CCSER1: variants seen among roughly 807,000 people sequenced by gnomAD.
CCSER1 encodes serine-rich coiled-coil domain-containing protein 1.
Under a neutral mutation model 82.0 loss-of-function variants are expected in CCSER1, and 41 were observed. The observed-to-expected ratio is 0.50, with a 90% confidence interval of 0.39 to 0.65. The LOEUF is 0.65. Ranked by LOEUF, CCSER1 falls within the 30% of genes least tolerant of loss-of-function variation. The pLI is 0.00. For synonymous variants in CCSER1, 414 were observed against 383.9 expected (o/e 1.08, Z -0.92); for missense variants, 1,119 against 1,064.2 (o/e 1.05, Z -0.72).
chr4:90,258,505 A>G (rs1578796910), intron 1 of CCSER1, among the ~76,000 whole-genome samples: 2 of 152,026 alleles, frequency 1.3e-5, no homozygotes, highest in South Asian at 2.1e-4. Context: ...GTGAGACTCC[A>G]TCTCAAAAAC....
intron 7 of CCSER1, among the ~76,000 whole-genome samples, chr4:90,746,910 T>C (rs930695500): frequency 2.0e-5 from 3 of 152,190 alleles, no homozygotes; most frequent in African/African-American, 7.2e-5. Context: ...AAATGGCATT[T>C]CAACTCAGGT....
At chr4:91,436,913 T>A (rs1414455290) in intron 10 of CCSER1, among the ~76,000 whole-genome samples, 3 of 152,236 alleles carry the variant, frequency 2.0e-5, no homozygotes, top group Non-Finnish European at 4.4e-5. Flanking sequence ...AAGATAAAGT[T>A]GTATGAAAAT....
chr4:90,830,049 A>G lies in CCSER1; in HGVS notation c.2094+14204A>G, dbSNP rs1041425015. Among the ~76,000 whole-genome samples the G allele has an allele frequency of 2.2e-4, 34 of 152,306 alleles. 1 individual carries two copies. Among genetic ancestry groups the G allele is most frequent in the Admixed American group, 8.5e-4 (13 of 15,292 alleles). On this transcript the variant is annotated intron_variant, in intron 8 of 10. Coordinates refer to ENST00000509176, the MANE Select transcript of CCSER1 (RefSeq NM_001145065.2). The stretch of plus-strand genomic sequence containing the variant: ...CTAATGTTAGCCTGTGTGGACCATC[A>G]GGAGATTCTCTCCCTGACAGCCAAA...
At position 91,331,894 on chromosome 4, in the gene CCSER1, T is replaced by C. The variant is rs559446872; in HGVS notation, c.2217+245900T>C. Among the ~76,000 whole-genome samples, 9 of 152,284 alleles carry C rather than the reference T, an allele frequency of 5.9e-5. No homozygotes were observed. In the East Asian group the frequency reaches 1.7e-3, roughly 29 times the overall value. ...CAACTACAAGACCTGTATCTCTCAA[T>C]AGAGACTCTTTGCAATATATGAATA... is the stretch of plus-strand genomic sequence containing the variant. On this transcript the variant is annotated intron_variant, in intron 10 of 10. Coordinates refer to ENST00000509176, the MANE Select transcript of CCSER1 (RefSeq NM_001145065.2).
chr4:90,483,634 C>G (rs1441449222), intron 5 of CCSER1, among the ~76,000 whole-genome samples: 1 of 152,152 alleles, frequency 6.6e-6, no homozygotes, highest in East Asian at 1.9e-4. Context: ...ACTTATGAAG[C>G]TTAGTTTGGC....
intron 3 of CCSER1, among the ~76,000 whole-genome samples, chr4:90,331,765 G>A (rs1739323170): frequency 6.6e-6 from 1 of 151,804 alleles, no homozygotes; most frequent in Admixed American, 6.6e-5. Flanking sequence ...TGAACGTTGT[G>A]GACTACCATG....
Position 91,050,664 on chromosome 4 carries a change from G to C in CCSER1, c.2173-35286G>C, listed in dbSNP as rs193273740. 9.6e-3 allele frequency among the ~76,000 whole-genome samples: 1,455 copies of C among 152,186 alleles called. 11 individuals carry two copies. The highest frequency in any genetic ancestry group is 0.013 in the Non-Finnish European group (861 of 68,008). On this transcript the variant is annotated intron_variant, in intron 9 of 10. Transcript: ENST00000509176. ...TAGCTTTGTCTTGTTTCAACTAGTC[G>C]AGCAGGAGCAGTTGCTTCCTTTGGA...
chr4:90,804,603 T>G (rs2149713288), intron 7 of CCSER1, among the ~76,000 whole-genome samples: 1 of 152,324 alleles, frequency 6.6e-6, no homozygotes, highest in Admixed American at 6.5e-5. Flanking sequence ...ACCATGCTGT[T>G]TTGGTTACTG....
intron 5 of CCSER1, among the ~76,000 whole-genome samples, chr4:90,536,592 G>C (rs1775397804): frequency 6.6e-6 from 1 of 152,150 alleles, no homozygotes. Flanking sequence ...TCTGTACCTT[G>C]ACCTTGATTA....
intron 10 of CCSER1, among the ~76,000 whole-genome samples, chr4:91,434,844 G>A (rs1754550127): frequency 6.6e-6 from 1 of 152,136 alleles, no homozygotes; most frequent in Non-Finnish European, 1.5e-5. Context: ...TTGGCTCAGG[G>A]TCCTGGTGAA....
intron 1 of CCSER1, among the ~76,000 whole-genome samples, chr4:90,277,444 TA>T (rs1728044318): frequency 6.6e-6 from 1 of 152,074 alleles, no homozygotes; most frequent in East Asian, 1.9e-4. Context: ...TATAGTATAG[TA>T]ACCAAAACAG....
chr4:90,309,259 G>A lies in CCSER1; in HGVS notation c.975G>A (p.Arg325=), dbSNP rs1379503695. 6.2e-7 allele frequency: 1 copy of A among 1,613,848 alleles called. No homozygotes were observed. Among genetic ancestry groups the A allele is most frequent in the African/African-American group, 1.3e-5 (1 of 75,032 alleles). The change falls in exon 2 of 11, where the codon AGG becomes AGA. Residue 325 remains arginine (R), a synonymous_variant. Coordinates refer to ENST00000509176, the MANE Select transcript of CCSER1 (RefSeq NM_001145065.2). The part of the protein sequence containing the change: ...PCAIMSPGKY[R]LEGQCSTESN... ...CAATTATGTCTCCTGGGAAATATAG[G>A]TTAGAGGGTCAATGTAGCACTGAAT...
At chr4:90,953,603 C>G (rs1235759089) in intron 9 of CCSER1, among the ~76,000 whole-genome samples, 1 of 151,440 alleles carries the variant, frequency 6.6e-6, no homozygotes, top group Non-Finnish European at 1.5e-5. Flanking sequence ...CCTATACATT[C>G]CTATATCTAT....
chr4:91,463,443 A>C (rs903372837), intron 10 of CCSER1, among the ~76,000 whole-genome samples: 2 of 152,258 alleles, frequency 1.3e-5, no homozygotes, highest in Non-Finnish European at 2.9e-5. Context: ...TCTAAAAATC[A>C]GAGCACCTCT....
At chr4:90,651,531 G>A (rs1459153075) in intron 6 of CCSER1, among the ~76,000 whole-genome samples, 1 of 152,084 alleles carries the variant, frequency 6.6e-6, no homozygotes, top group African/African-American at 2.4e-5. Context: ...ACACACCGGG[G>A]TCTGTCAGGT....
At chr4:90,235,820 G>A (rs1475990005) in intron 1 of CCSER1, among the ~76,000 whole-genome samples, 1 of 152,184 alleles carries the variant, frequency 6.6e-6, no homozygotes, top group African/African-American at 2.4e-5. Context: ...GTTAGTGGGA[G>A]TGGTTTACTT....
intron 1 of CCSER1, among the ~76,000 whole-genome samples, chr4:90,135,369 G>A (rs1383803379): frequency 6.6e-6 from 1 of 151,860 alleles, no homozygotes; most frequent in Non-Finnish European, 1.5e-5. Context: ...CTGGGATCCT[G>A]CCTCTGAAAC....
chr4:90,700,385 T>C (rs1175140514), intron 6 of CCSER1, among the ~76,000 whole-genome samples: 1 of 152,194 alleles, frequency 6.6e-6, no homozygotes, highest in Non-Finnish European at 1.5e-5. Flanking sequence ...ATTCAGTCTA[T>C]CATTGATGGA....
At chr4:90,739,793 G>A (rs780664574) in intron 7 of CCSER1, among the ~76,000 whole-genome samples, 1 of 152,188 alleles carries the variant, frequency 6.6e-6, no homozygotes, top group African/African-American at 2.4e-5. Flanking sequence ...CCTCCTTGAA[G>A]CACACAGATT....
Sources: allele counts gnomAD v4.1 joint callset (sites outside exome capture counted in the v4.1 genomes callset), GRCh38; gene constraint gnomAD v4.1.1; transcripts MANE v1.5; gene names NCBI Gene and HGNC (gene_info 2026-07-23, HGNC 2026-07-21).